PCDH15: variants seen among roughly 807,000 people sequenced by gnomAD.
The protein encoded by PCDH15 is protocadherin-15.
Under a neutral mutation model 178.5 loss-of-function variants are expected in PCDH15, and 129 were observed. The observed-to-expected ratio is 0.72, with a 90% CI of 0.63 to 0.84. PCDH15 has a LOEUF of 0.84. Among genes scored for constraint, PCDH15 ranks in the 40% least tolerant of loss-of-function variants. PCDH15 has a pLI of 0.00. For synonymous variants in PCDH15, 800 were observed against 732.0 expected, an observed-to-expected ratio of 1.09 and a Z score of -1.50; for missense variants, 2,230 against 2,099.9, an observed-to-expected ratio of 1.06 and a Z score of -1.21.
At chr10:55,234,338 A>T (rs1016821262) in intron 1 of PCDH15, among the ~76,000 whole-genome samples, 12 of 151,790 alleles carry the variant, frequency 7.9e-5, no homozygotes, top group Non-Finnish European at 1.3e-4. Context: ...TATTTAAATT[A>T]AAAAAAATTA....
At chr10:54,077,343 T>A (rs928937895) in intron 17 of PCDH15, among the ~76,000 whole-genome samples, 1 of 152,178 alleles carries the variant, frequency 6.6e-6, no homozygotes, top group Non-Finnish European at 1.5e-5. Flanking sequence ...ACAAAACTAC[T>A]GATTTTAGCC....
At chr10:54,808,436 G>A (rs574639345) in intron 3 of PCDH15, among the ~76,000 whole-genome samples, 1 of 152,142 alleles carries the variant, frequency 6.6e-6, no homozygotes, top group East Asian at 1.9e-4. Flanking sequence ...TTGCATGGTA[G>A]AGCAGATTGA....
intron 8 of PCDH15, among the ~76,000 whole-genome samples, chr10:54,295,770 T>C (rs1000531304): frequency 6.6e-6 from 1 of 152,158 alleles, no homozygotes; most frequent in Non-Finnish European, 1.5e-5. Context: ...GTGAGTACCA[T>C]CGGACCCCTT....
intron 2 of PCDH15, among the ~76,000 whole-genome samples, chr10:54,904,198 A>C (rs1464998333): frequency 1.3e-5 from 2 of 152,110 alleles, no homozygotes; most frequent in Non-Finnish European, 2.9e-5. Flanking sequence ...CAGCTTTGCA[A>C]AATCACTATG....
chr10:54,616,917 C>G (rs983309996), intron 2 of PCDH15, among the ~76,000 whole-genome samples: 2 of 152,004 alleles, frequency 1.3e-5, no homozygotes, highest in African/African-American at 4.8e-5. Flanking sequence ...AATGGCATTT[C>G]TAGCCCAAAT....
At chr10:54,843,510 C>T (rs923365850) in intron 3 of PCDH15, among the ~76,000 whole-genome samples, 5 of 151,916 alleles carry the variant, frequency 3.3e-5, no homozygotes, top group East Asian at 3.9e-4. Context: ...ACTGACTTAA[C>T]GTTATTTTTA....
chr10:54,753,894 G>T (rs374436022), intron 1 of PCDH15, among the ~76,000 whole-genome samples: 22 of 85,512 alleles, frequency 2.6e-4, no homozygotes, highest in South Asian at 6.8e-4. Context: ...GTTTGTTTGT[G>T]TTTTTTTTTT....
chr10:55,034,121 G>T (rs1218942807), intron 2 of PCDH15, among the ~76,000 whole-genome samples: 1 of 151,962 alleles, frequency 6.6e-6, no homozygotes, highest in Non-Finnish European at 1.5e-5. Flanking sequence ...ATTACCCAGT[G>T]TGGTATTTCA....
At chr10:54,068,508 A>G (rs1055722526) in intron 17 of PCDH15, among the ~76,000 whole-genome samples, 10 of 152,190 alleles carry the variant, frequency 6.6e-5, no homozygotes, top group African/African-American at 2.4e-4. Flanking sequence ...TATATATGCA[A>G]TGGAATCATA....
intron 21 of PCDH15, among the ~76,000 whole-genome samples, chr10:53,967,906 G>A (rs985133003): frequency 1.3e-5 from 2 of 152,134 alleles, no homozygotes; most frequent in Non-Finnish European, 2.9e-5. Flanking sequence ...GAGGTTCCAA[G>A]ATGGCCAAAT....
intron 2 of PCDH15, among the ~76,000 whole-genome samples, chr10:55,471,616 G>A (rs920502725): frequency 3.9e-5 from 6 of 152,178 alleles, no homozygotes; most frequent in African/African-American, 1.4e-4. Context: ...GGCTAGTCTG[G>A]TCTCGAACTC....
intron 2 of PCDH15, among the ~76,000 whole-genome samples, chr10:55,519,295 A>AAAAAAAAAC (rs1841099401): frequency 1.3e-5 from 2 of 150,892 alleles, no homozygotes; most frequent in African/African-American, 4.8e-5. Context: ...TAAAAAAAAA[A>AAAAAAAAAC]AAAAACCCAA....
chr10:54,759,157 G>A (rs925539938), intron 1 of PCDH15, among the ~76,000 whole-genome samples: 1 of 151,992 alleles, frequency 6.6e-6, no homozygotes, highest in African/African-American at 2.4e-5. Context: ...TTTCTAGTAG[G>A]AAATTGAAAA....
At chr10:54,857,647 C>G (rs2131776306) in intron 3 of PCDH15, among the ~76,000 whole-genome samples, 1 of 149,352 alleles carries the variant, frequency 6.7e-6, no homozygotes, top group East Asian at 2.0e-4. Flanking sequence ...GAGATAGGGT[C>G]TTGCTATGTT....
chr10:55,315,886 C>T (rs537203446), intron 1 of PCDH15, among the ~76,000 whole-genome samples: 1 of 152,146 alleles, frequency 6.6e-6, no homozygotes, highest in Non-Finnish European at 1.5e-5. Flanking sequence ...CGTGGTGGTG[C>T]ATGCCTATAA....
chr10:55,518,496 G>C (rs1841074269), intron 2 of PCDH15, among the ~76,000 whole-genome samples: 1 of 151,964 alleles, frequency 6.6e-6, no homozygotes, highest in South Asian at 2.1e-4. Context: ...AGAAAGAGCA[G>C]AGAGTAAAAC....
intron 2 of PCDH15, 101 bp from the exon 3 acceptor site, chr10:54,527,978 C>T: frequency 1.1e-6 from 1 of 921,518 alleles, no homozygotes; most frequent in South Asian, 1.5e-5. Flanking sequence ...AAAGGAAAAT[C>T]TTGCAATCTA....
At chr10:55,070,586 T>G (rs536906918) in intron 2 of PCDH15, among the ~76,000 whole-genome samples, 1 of 152,306 alleles carries the variant, frequency 6.6e-6, no homozygotes, top group South Asian at 2.1e-4. Context: ...ATCAGATAGT[T>G]GTAGATACGT....
intron 3 of PCDH15, among the ~76,000 whole-genome samples, chr10:54,863,281 G>A (rs1347978892): frequency 2.6e-5 from 4 of 152,112 alleles, no homozygotes; most frequent in South Asian, 2.1e-4. Flanking sequence ...GGTGGCTCAC[G>A]CCTGTAATCC....
Sources: allele counts gnomAD v4.1 joint callset (sites outside exome capture counted in the v4.1 genomes callset), GRCh38; gene constraint gnomAD v4.1.1; transcripts MANE v1.5; gene names NCBI Gene and HGNC (gene_info 2026-07-23, HGNC 2026-07-21).